VSIG4: variants seen among roughly 807,000 people sequenced by gnomAD.
VSIG4 encodes the protein V-set and immunoglobulin domain containing 4.
A neutral mutation model predicts 23.4 loss-of-function variants in VSIG4; 34 were observed. The ratio of observed to expected loss-of-function variants is 1.45; its 90% CI spans 1.10 to 1.93. The LOEUF (loss-of-function observed/expected upper bound fraction) is 1.93. Ranked by LOEUF, VSIG4 falls within the 30% of genes most tolerant of loss-of-function variation. VSIG4 has a pLI of 0.00. For missense variants in VSIG4, 433 were observed against 310.8 expected (o/e 1.39, Z -2.96); for synonymous variants, 169 against 120.3 (o/e 1.41, Z -2.65).
Position 66,032,493 on chromosome X carries a change from G to T in VSIG4, c.669C>A (p.Ser223Arg), listed in dbSNP as rs749453785. 3.2e-5 allele frequency: 39 copies of T among 1,209,749 alleles called. No homozygotes were observed. The highest frequency in any genetic ancestry group is 2.8e-4 in the Admixed American group (13 of 45,740). ...AKGQVGSEQH[S>R]DIVKFVVKDS... ...CTTTGACCACAAACTTCACAATGTC[G>T]CTGTGCTGCTCAGAGCCAACCTGGC... The change falls in exon 3 of 8, where the codon AGC becomes AGA. Residue 223 changes from serine (S) to arginine (R), a missense_variant. Ser to Arg is a moderately radical substitution (Grantham distance 110). Coordinates refer to ENST00000374737, the MANE Select transcript of VSIG4 (RefSeq NM_007268.3).
intron 1 of VSIG4, among the ~76,000 whole-genome samples, chrX:66,034,774 G>C (rs1402300167): frequency 4.1e-5 from 4 of 96,695 alleles, no homozygotes; most frequent in African/African-American, 1.4e-4. Context: ...GATGGGGGTG[G>C]GGGTGGGGAA....
chrX:66,026,377 T>C (rs1353627884), intron 5 of VSIG4, among the ~76,000 whole-genome samples: 1 of 111,866 alleles, frequency 8.9e-6, no homozygotes, highest in Non-Finnish European at 1.9e-5. Flanking sequence ...GAGAGTCAAG[T>C]ACTAAAAAAC....
chrX:66,028,147 G>A, intron 3 of VSIG4, 35 bp from the exon 4 acceptor site: 1 of 1,149,205 alleles, frequency 8.7e-7, no homozygotes, highest in Non-Finnish European at 1.2e-6. Context: ...AAGGGACCTG[G>A]TACCCTTTGG....
At chrX:66,028,558 CTTTTTT>C (rs34660062) in intron 3 of VSIG4, among the ~76,000 whole-genome samples, 1 of 74,241 alleles carries the variant, frequency 1.3e-5, no homozygotes, top group East Asian at 4.9e-4. Context: ...ACGTAATCAA[CTTTTTT>C]TTTTTTTTTT....
chrX:66,026,190 G>A (rs762763763), intron 5 of VSIG4, among the ~76,000 whole-genome samples: 34 of 111,568 alleles, frequency 3.0e-4, no homozygotes, highest in East Asian at 2.8e-4. Flanking sequence ...ATAGAGAGGC[G>A]TGAGGAAAGG....
At chrX:66,038,506 CAT>C (rs2085646945) in intron 1 of VSIG4, among the ~76,000 whole-genome samples, 3 of 106,063 alleles carry the variant, frequency 2.8e-5, no homozygotes, top group Non-Finnish European at 3.8e-5. Context: ...CACACACACA[CAT>C]GAATGCACAC....
At position 66,028,162 on chromosome X, in the gene VSIG4, T is replaced by A. The variant is rs753342990; in HGVS notation, c.695-50A>T. On this transcript the variant is annotated intron_variant, in intron 3 of 7. Coordinates refer to ENST00000374737, the MANE Select transcript of VSIG4 (RefSeq NM_007268.3). ...AAGGGACCTGGTACCCTTTGGTGAA[T>A]AGTTTAATGCCCTAGGGAAATAGGA... 3.7e-6 allele frequency: 4 copies of A among 1,078,822 alleles called. No individual in the cohort carries two copies. The South Asian group carries it at 7.4e-5, about 20-fold the overall frequency. The allele number at this position is 1,078,822 out of a possible 1,213,427, so 88.9% of individuals were successfully genotyped here.
chrX:66,036,662 ATATAATAT>A, intron 1 of VSIG4, among the ~76,000 whole-genome samples: 2 of 66,231 alleles, frequency 3.0e-5, no homozygotes, highest in African/African-American at 1.2e-4. Context: ...ATAATATATA[ATATAATAT>A]AATATATATA....
chrX:66,030,699 A>G (rs1013485430), intron 3 of VSIG4, among the ~76,000 whole-genome samples: 1 of 111,709 alleles, frequency 9.0e-6, no homozygotes, highest in Non-Finnish European at 1.9e-5. Context: ...GGCCTGAAAT[A>G]AGGTAGAAAT....
intron 5 of VSIG4, among the ~76,000 whole-genome samples, chrX:66,027,122 G>T (rs889696493): frequency 1.8e-5 from 2 of 111,591 alleles, no homozygotes; most frequent in Admixed American, 1.9e-4. Flanking sequence ...TCCTTACCTG[G>T]TTGAGGTCAT....
At chrX:66,025,562 C>A (rs1385037017) in intron 5 of VSIG4, among the ~76,000 whole-genome samples, 1 of 112,452 alleles carries the variant, frequency 8.9e-6, no homozygotes, top group Admixed American at 9.4e-5. Context: ...TTCCTTCTTT[C>A]TCAAAACATA....
chrX:66,025,194 G>A (rs1017351155), intron 5 of VSIG4, 65 bp from the exon 6 acceptor site: 3 of 815,626 alleles, frequency 3.7e-6, no homozygotes, highest in Non-Finnish European at 5.2e-6. Context: ...AAAACTCTAA[G>A]AAACAGCCTA....
intron 2 of VSIG4, 33 bp downstream of exon 2, chrX:66,033,441 T>G: frequency 9.0e-7 from 1 of 1,116,603 alleles, no homozygotes; most frequent in Non-Finnish European, 1.2e-6. Flanking sequence ...ATTCATTGAT[T>G]ATCAGTGCTT....
intron 1 of VSIG4, among the ~76,000 whole-genome samples, chrX:66,039,327 G>A (rs1254897907): frequency 1.8e-5 from 2 of 111,646 alleles, no homozygotes; most frequent in Admixed American, 1.9e-4. Context: ...GCAAAGCTGG[G>A]GTTTTTGGAT....
intron 6 of VSIG4, among the ~76,000 whole-genome samples, chrX:66,023,251 A>C (rs1047150099): frequency 9.1e-6 from 1 of 110,301 alleles, no homozygotes; most frequent in African/African-American, 3.3e-5. Flanking sequence ...GGAAGAAGGG[A>C]CTGGATTAGC....
At chrX:66,030,503 TAA>T (rs750217759) in intron 3 of VSIG4, among the ~76,000 whole-genome samples, 1 of 111,189 alleles carries the variant, frequency 9.0e-6, no homozygotes, top group Non-Finnish European at 1.9e-5. Flanking sequence ...TAGCTGATGT[TAA>T]GAGTTCAGGA....
chrX:66,022,676 C>T, intron 7 of VSIG4, 165 bp downstream of exon 7: 3 of 1,131,904 alleles, frequency 2.7e-6, no homozygotes, highest in South Asian at 2.2e-5. Flanking sequence ...CCAAAACAAC[C>T]TCAGAAGGTG....
At chrX:66,025,647 A>G (rs1448126428) in intron 5 of VSIG4, among the ~76,000 whole-genome samples, 4 of 112,164 alleles carry the variant, frequency 3.6e-5, no homozygotes, top group Non-Finnish European at 7.5e-5. Flanking sequence ...CTTGGCTTCC[A>G]GTCCTAGATC....
chrX:66,032,363 G>T, intron 3 of VSIG4, 105 bp downstream of exon 3: 1 of 1,009,130 alleles, frequency 9.9e-7, no homozygotes, highest in Non-Finnish European at 1.3e-6. Flanking sequence ...TTGCCTGCTT[G>T]GGATCCTCCT....
Sources: allele counts gnomAD v4.1 joint callset (sites outside exome capture counted in the v4.1 genomes callset), GRCh38; gene constraint gnomAD v4.1.1; transcripts MANE v1.5; gene names NCBI Gene and HGNC (gene_info 2026-07-23, HGNC 2026-07-21).